NAV3: variants seen among roughly 807,000 people sequenced by gnomAD.
NAV3 encodes the protein pore membrane and/or filament interacting like protein 1.
A neutral mutation model predicts 244.7 loss-of-function variants in NAV3; 87 were observed. The observed-to-expected ratio is 0.36, with a 90% CI of 0.30 to 0.42. The LOEUF is 0.42. Among genes scored for constraint, NAV3 ranks in the 20% least tolerant of loss-of-function variants. The probability of loss-of-function intolerance (pLI) is 1.00; values close to 1 mark genes in which losing one functional copy is unlikely to be tolerated. For synonymous variants in NAV3, 1,126 were observed against 1,042.2 expected, an observed-to-expected ratio of 1.08 and a Z score of -1.55; for missense variants, 2,663 against 2,893.3, an observed-to-expected ratio of 0.92 and a Z score of 1.83.
chr12:77,778,176 C>T (rs1423084398), intron 2 of NAV3, among the ~76,000 whole-genome samples: 3 of 121,244 alleles, frequency 2.5e-5, no homozygotes, highest in African/African-American at 9.3e-5. Context: ...CCCTCCTCTG[C>T]CCTCTCCTCC....
Position 77,642,247 on chromosome 12 carries a change from T to TG in NAV3, c.72+69982dup, listed in dbSNP as rs570190342. On this transcript the variant is annotated intron_variant, in intron 2 of 8. Coordinates refer to the NAV3 transcript ENST00000550042. ...TGGAAGCCATGATCTGTGATGTCTTTGTCTCCCAAGAGCTCAGTGTTTTAA... is the reference window on the plus strand; with the variant it reads ...TGGAAGCCATGATCTGTGATGTCTTTGGTCTCCCAAGAGCTCAGTGTTTTAA... Among the ~76,000 whole-genome samples, 61 of 152,248 alleles carry TG rather than the reference T, an allele frequency of 4.0e-4. 1 individual carries two copies. Among genetic ancestry groups the TG allele is most frequent in the African/African-American group, 1.3e-3 (56 of 41,564 alleles).
intron 5 of NAV3, among the ~76,000 whole-genome samples, chr12:77,982,166 G>C (rs1347211804): frequency 2.6e-5 from 4 of 151,912 alleles, no homozygotes; most frequent in Non-Finnish European, 5.9e-5. Flanking sequence ...TTTATGTTTT[G>C]ATGAACCAGC....
intron 12 of NAV3, among the ~76,000 whole-genome samples, chr12:78,060,685 A>G (rs929878182): frequency 2.6e-5 from 4 of 152,164 alleles, no homozygotes; most frequent in Admixed American, 6.6e-5. Context: ...TTCCAGAAAG[A>G]ACTAAGGTAC....
chr12:78,108,840 C>T (rs1954940082), intron 12 of NAV3, among the ~76,000 whole-genome samples: 1 of 151,946 alleles, frequency 6.6e-6, no homozygotes, highest in Non-Finnish European at 1.5e-5. Context: ...GCAATAAATG[C>T]TTACACTGAA....
At chr12:77,891,285 T>C (rs1026144371) in intron 1 of NAV3, among the ~76,000 whole-genome samples, 14 of 148,626 alleles carry the variant, frequency 9.4e-5, no homozygotes, top group African/African-American at 3.2e-4. Flanking sequence ...AAAGATAATA[T>C]AATTTAATAT....
intron 2 of NAV3, among the ~76,000 whole-genome samples, chr12:77,814,855 ATCT>A (rs1213335795): frequency 1.3e-5 from 2 of 152,188 alleles, no homozygotes; most frequent in South Asian, 2.1e-4. Flanking sequence ...GGACTTCAAG[ATCT>A]TCTTGAGTGT....
intron 1 of NAV3, among the ~76,000 whole-genome samples, chr12:77,838,735 T>A (rs1875099647): frequency 6.6e-6 from 1 of 152,166 alleles, no homozygotes; most frequent in East Asian, 1.9e-4. Context: ...CATATCCAAT[T>A]TTGAACTTGA....
intron 39 of NAV3, 120 bp downstream of exon 39, chr12:78,205,258 C>A: frequency 9.3e-7 from 1 of 1,077,620 alleles, no homozygotes; most frequent in Non-Finnish European, 1.3e-6. Context: ...ACAGTTTTAA[C>A]CCTATTATCT....
intron 1 of NAV3, among the ~76,000 whole-genome samples, chr12:77,890,608 G>C (rs1410380748): frequency 6.6e-6 from 1 of 152,094 alleles, no homozygotes; most frequent in Non-Finnish European, 1.5e-5. Flanking sequence ...TAAAAATGTA[G>C]TGAGAACCTC....
At chr12:77,665,969 A>G (rs898260664) in intron 2 of NAV3, among the ~76,000 whole-genome samples, 1 of 152,198 alleles carries the variant, frequency 6.6e-6, no homozygotes, top group Non-Finnish European at 1.5e-5. Context: ...ACTCAAAATT[A>G]TCTAGTGCCT....
chr12:77,618,740 A>AT (rs1181789818), intron 2 of NAV3, among the ~76,000 whole-genome samples: 1 of 152,134 alleles, frequency 6.6e-6, no homozygotes, highest in African/African-American at 2.4e-5. Context: ...GTATTCATTG[A>AT]TTTTTGTAAT....
chr12:77,840,873 G>A (rs7316540), intron 1 of NAV3, among the ~76,000 whole-genome samples: 1 of 152,136 alleles, frequency 6.6e-6, no homozygotes, highest in Non-Finnish European at 1.5e-5. Context: ...TAGACAATCA[G>A]CAGTCAAAAT....
At chr12:77,813,069 T>C (rs1431675776) in intron 2 of NAV3, among the ~76,000 whole-genome samples, 1 of 152,052 alleles carries the variant, frequency 6.6e-6, no homozygotes, top group African/African-American at 2.4e-5. Context: ...GTGATCCACC[T>C]GCCTCAGCCT....
chr12:77,757,423 CCTT>C (rs1196699781), intron 2 of NAV3, among the ~76,000 whole-genome samples: 1 of 152,160 alleles, frequency 6.6e-6, no homozygotes, highest in Non-Finnish European at 1.5e-5. Flanking sequence ...TTGAAATGTG[CCTT>C]CTTCTCTCTA....
intron 5 of NAV3, among the ~76,000 whole-genome samples, chr12:77,977,487 C>G (rs1226189916): frequency 1.6e-5 from 2 of 127,148 alleles, no homozygotes. Flanking sequence ...TTTTGTAAAA[C>G]CTGGATATTA....
rs1958833228 is a variant in NAV3, at chr12:78,188,605, G to A, written c.5887-4G>A. The A allele has an allele frequency of 1.9e-6, 3 of 1,608,918 alleles. No individual in the cohort carries two copies. Among genetic ancestry groups the A allele is most frequent in the Non-Finnish European group, 2.5e-6 (3 of 1,177,492 alleles). On this transcript the variant is annotated splice_polypyrimidine_tract_variant and splice_region_variant and intron_variant, in intron 32 of 39. Coordinates refer to ENST00000397909, the MANE Select transcript of NAV3 (RefSeq NM_001024383.2). ...GATTTTATTTTTTGTGTGTACCATT[G>A]TAGGAATATGTATTCCGAATTGATA...
intron 2 of NAV3, among the ~76,000 whole-genome samples, chr12:77,686,430 T>C (rs534921215): frequency 0.017 from 1,690 of 97,894 alleles, 27 homozygotes; most frequent in African/African-American, 0.06. Context: ...CTTTCTTTTT[T>C]TTTTTTTTTT....
At chr12:78,050,539 A>G (rs1162042410) in intron 10 of NAV3, among the ~76,000 whole-genome samples, 2 of 152,172 alleles carry the variant, frequency 1.3e-5, no homozygotes, top group Non-Finnish European at 2.9e-5. Context: ...ATGTTGTTTT[A>G]CCCAAGGTGT....
intron 2 of NAV3, among the ~76,000 whole-genome samples, chr12:77,684,297 T>C (rs1255174032): frequency 1.3e-5 from 2 of 152,140 alleles, no homozygotes; most frequent in African/African-American, 4.8e-5. Context: ...TGTTGTTATT[T>C]AGATAATATG....
Sources: gnomAD v4.1 joint callset for allele counts (sites outside exome capture counted in the v4.1 genomes callset) on GRCh38, gnomAD v4.1.1 for gene constraint, MANE v1.5 for transcripts, NCBI Gene and HGNC (gene_info 2026-07-23, HGNC 2026-07-21) for gene names.